The following TRPC1 variants were observed in gnomAD, a reference collection of about 807,000 sequenced individuals.
The protein encoded by TRPC1 is short transient receptor potential channel 1.
Under a neutral mutation model 88.2 loss-of-function variants are expected in TRPC1, and 42 were observed. The observed-to-expected ratio is 0.48, with a 90% confidence interval of 0.37 to 0.62. TRPC1 has a LOEUF of 0.62. TRPC1 is among the 20% of genes least tolerant of loss of function. The probability of loss-of-function intolerance (pLI) is 0.00; values close to 1 mark genes in which losing one functional copy is unlikely to be tolerated. For synonymous variants in TRPC1, 288 were observed against 331.8 expected (o/e 0.87, Z 1.43); for missense variants, 699 against 957.3 (o/e 0.73, Z 3.56).
At chr3:142,784,430 G>C (rs184509525) in intron 6 of TRPC1, among the ~76,000 whole-genome samples, 1 of 147,036 alleles carries the variant, frequency 6.8e-6, no homozygotes, top group Non-Finnish European at 1.5e-5. Flanking sequence ...TTACAGATGG[G>C]GAAGTTGAGG....
chr3:142,736,301 C>G, intron 1 of TRPC1, 78 bp from the exon 2 acceptor site: 2 of 1,132,146 alleles, frequency 1.8e-6, no homozygotes, highest in Non-Finnish European at 2.4e-6. Flanking sequence ...TTTAATTCAA[C>G]AAGCTAAGTT....
At chr3:142,744,291 C>T in intron 3 of TRPC1, among the ~76,000 whole-genome samples, 1 of 152,006 alleles carries the variant, frequency 6.6e-6, no homozygotes, top group East Asian at 1.9e-4. Flanking sequence ...GGGAGTATTA[C>T]AGTCTCATGC....
chr3:142,753,219 G>C (rs1934841839), intron 4 of TRPC1, among the ~76,000 whole-genome samples: 1 of 152,170 alleles, frequency 6.6e-6, no homozygotes, highest in African/African-American at 2.4e-5. Flanking sequence ...AGGCTTTTAG[G>C]GGAGCTATGA....
At chr3:142,741,581 ATTCT>A (rs1473802002) in intron 2 of TRPC1, among the ~76,000 whole-genome samples, 4 of 152,244 alleles carry the variant, frequency 2.6e-5, no homozygotes, top group Admixed American at 6.5e-5. Flanking sequence ...ACTTTTAGTA[ATTCT>A]TTCTTCCTTT....
chr3:142,729,340 A>G (rs761789767), intron 1 of TRPC1, among the ~76,000 whole-genome samples: 4 of 152,234 alleles, frequency 2.6e-5, no homozygotes, highest in Non-Finnish European at 4.4e-5. Context: ...AAAGTGCTTT[A>G]TCAAGAAAGT....
rs921534313 is a variant in TRPC1, at chr3:142,806,721, A to G, written c.*486A>G. The G allele has an allele frequency of 2.6e-5, 4 of 152,094 alleles. No homozygotes were observed. Among genetic ancestry groups the G allele is most frequent in the Admixed American group, 6.5e-5 (1 of 15,276 alleles). The allele number at this position is 152,094 out of a possible 1,614,324, so 9.4% of individuals were successfully genotyped here. ...GTATAATTTTATTTTATCTAAAATAATAGTCTATTTTTTCTTTTGTATTTT... is the reference window on the plus strand; with the variant it reads ...GTATAATTTTATTTTATCTAAAATAGTAGTCTATTTTTTCTTTTGTATTTT... On this transcript the variant is annotated 3_prime_UTR_variant, in exon 13 of 13. Coordinates refer to ENST00000476941, the MANE Select transcript of TRPC1 (RefSeq NM_001251845.2).
intron 7 of TRPC1, among the ~76,000 whole-genome samples, chr3:142,786,384 A>G (rs1262895621): frequency 3.3e-5 from 5 of 152,162 alleles, no homozygotes; most frequent in African/African-American, 1.2e-4. Flanking sequence ...TTATTTGAAA[A>G]TCAGTTAATT....
intron 5 of TRPC1, among the ~76,000 whole-genome samples, chr3:142,778,063 A>G (rs949495122): frequency 6.6e-6 from 1 of 152,216 alleles, no homozygotes; most frequent in Non-Finnish European, 1.5e-5. Context: ...ATTATAGCCT[A>G]AAGCAGGAGC....
rs1384570890 is a variant in TRPC1, at chr3:142,724,431, C to G, written c.-129C>G. ...GACGCCCTTCGGGGCCAACGGGCCT[C>G]GAGCCGAGGCAGCAGTGGGAACGAC... On this transcript the variant is annotated 5_prime_UTR_variant, in exon 1 of 13. Coordinates refer to ENST00000476941, the MANE Select transcript of TRPC1 (RefSeq NM_001251845.2). The surrounding 1 kb of genome is among the most constrained non-coding windows in gnomAD (Gnocchi z 5.6). 3 of 928,420 alleles carry G rather than the reference C, an allele frequency of 3.2e-6. No homozygotes were observed. Among genetic ancestry groups the G allele is most frequent in the Admixed American group, 3.5e-5 (1 of 28,246 alleles). 57.5% of individuals were successfully genotyped at this position (928,420 alleles called of 1,614,324 possible). A position where few individuals can be genotyped will look rare whatever the true frequency, so the allele number is the denominator to read the frequency against.
intron 4 of TRPC1, among the ~76,000 whole-genome samples, chr3:142,760,072 C>T (rs1237185759): frequency 1.3e-5 from 2 of 152,050 alleles, no homozygotes; most frequent in African/African-American, 4.8e-5. Context: ...ATGATCCACC[C>T]ACCTCGGCCT....
intron 1 of TRPC1, 140 bp from the exon 2 acceptor site, chr3:142,736,239 A>C (rs1934132299): frequency 1.9e-6 from 1 of 538,498 alleles, no homozygotes; most frequent in African/African-American, 2.0e-5. Flanking sequence ...GGAAATGTTC[A>C]CATTCTCTGT....
Position 142,724,636 on chromosome 3 carries a change from C to A in TRPC1, c.77C>A (p.Ser26Tyr). 1 of 1,612,854 alleles carries A rather than the reference C, an allele frequency of 6.2e-7. No homozygotes were observed. Among genetic ancestry groups the A allele is most frequent in the Non-Finnish European group, 8.5e-7 (1 of 1,179,518 alleles). Residue 26 changes from serine (S) to tyrosine (Y), a missense_variant, in exon 1 of 13, where the codon TCC (serine) becomes TAC (tyrosine). Coordinates refer to ENST00000476941, the MANE Select transcript of TRPC1 (RefSeq NM_001251845.2). This position sits in a 1 kb window ranked among gnomAD's most constrained non-coding sequence, Gnocchi z 5.6. The stretch of plus-strand genomic sequence containing the variant: ...TCCCTGCCTTCCTCTCCATCCTCTT[C>A]CTCGCCGAACGAGGTGATGGCGCTG... ...SSSLPSSPSS[S>Y]SPNEVMALKD...
At chr3:142,752,719 C>T (rs1934818893) in intron 4 of TRPC1, among the ~76,000 whole-genome samples, 1 of 152,222 alleles carries the variant, frequency 6.6e-6, no homozygotes, top group South Asian at 2.1e-4. Context: ...CAATACCCTG[C>T]TTTCAAGGGC....
chr3:142,799,245 A>T (rs1936539346), intron 9 of TRPC1, among the ~76,000 whole-genome samples: 1 of 152,118 alleles, frequency 6.6e-6, no homozygotes, highest in South Asian at 2.1e-4. Context: ...TTAATATTTT[A>T]ATTACCTTTC....
intron 4 of TRPC1, among the ~76,000 whole-genome samples, chr3:142,755,907 G>A (rs945502980): frequency 1.3e-5 from 2 of 152,036 alleles, no homozygotes; most frequent in African/African-American, 4.8e-5. Flanking sequence ...TTCATTCATG[G>A]TCAATCCTTG....
At chr3:142,805,689 A>G (rs1487020676) in intron 12 of TRPC1, among the ~76,000 whole-genome samples, 1 of 152,192 alleles carries the variant, frequency 6.6e-6, no homozygotes, top group Non-Finnish European at 1.5e-5. Flanking sequence ...TGTAAAATCT[A>G]TTCTTAGCTC....
At chr3:142,751,003 A>G (rs923366617) in intron 4 of TRPC1, among the ~76,000 whole-genome samples, 2 of 152,202 alleles carry the variant, frequency 1.3e-5, no homozygotes, top group Non-Finnish European at 2.9e-5. Context: ...AAGAAATAAT[A>G]TTTTGTACAG....
At chr3:142,731,267 C>T (rs1248295568) in intron 1 of TRPC1, among the ~76,000 whole-genome samples, 1 of 150,660 alleles carries the variant, frequency 6.6e-6, no homozygotes, top group African/African-American at 2.4e-5. Flanking sequence ...AGAATGTTAA[C>T]AAGGTCTAAC....
intron 2 of TRPC1, among the ~76,000 whole-genome samples, chr3:142,742,606 G>T (rs1419606593): frequency 1.3e-5 from 2 of 152,112 alleles, no homozygotes; most frequent in Non-Finnish European, 2.9e-5. Context: ...CAAGAACATT[G>T]ATTTAAATAG....
Sources: allele counts gnomAD v4.1 joint callset (sites outside exome capture counted in the v4.1 genomes callset), GRCh38; gene constraint gnomAD v4.1.1; non-coding constraint Gnocchi (gnomAD v3.1); transcripts MANE v1.5; gene names NCBI Gene and HGNC (gene_info 2026-07-23, HGNC 2026-07-21).